LAMC2: variants seen among roughly 807,000 people sequenced by gnomAD.
LAMC2 encodes the protein laminin subunit gamma 2.
Under a neutral mutation model 140.2 loss-of-function variants are expected in LAMC2, and 97 were observed. That is an observed-to-expected ratio of 0.69 (90% CI 0.59 to 0.82). The LOEUF is 0.82. LAMC2 is among the 40% of genes least tolerant of loss of function. LAMC2 has a pLI of 0.00. For missense variants in LAMC2, 1,402 were observed against 1,476.1 expected, an observed-to-expected ratio of 0.95 and a Z score of 0.82; for synonymous variants, 513 against 540.2, an observed-to-expected ratio of 0.95 and a Z score of 0.70.
chr1:183,209,430 C>T (rs1659004998), intron 2 of LAMC2, among the ~76,000 whole-genome samples: 1 of 152,090 alleles, frequency 6.6e-6, no homozygotes, highest in African/African-American at 2.4e-5. Flanking sequence ...GAGATAGGCC[C>T]ATATCGCAGC....
intron 22 of LAMC2, 134 bp downstream of exon 22, chr1:183,240,525 C>G: frequency 1.4e-6 from 2 of 1,468,380 alleles, no homozygotes; most frequent in Non-Finnish European, 9.0e-7. Context: ...GCTTTGTTTC[C>G]AGGCCCAGAT....
At chr1:183,213,648 A>C (rs1039981969) in intron 2 of LAMC2, among the ~76,000 whole-genome samples, 3 of 151,090 alleles carry the variant, frequency 2.0e-5, no homozygotes, top group African/African-American at 7.4e-5. Flanking sequence ...AAAATACAAA[A>C]AATTAGCCAG....
At chr1:183,256,936 G>A in the LAMC2 span, among the ~76,000 whole-genome samples, 1 of 151,916 alleles carries the variant, frequency 6.6e-6, no homozygotes, top group Non-Finnish European at 1.5e-5. Flanking sequence ...ATTTTTAGTA[G>A]AGATGGGGTT....
intron 14 of LAMC2, among the ~76,000 whole-genome samples, chr1:183,233,561 A>G (rs1659859152): frequency 6.6e-6 from 1 of 152,226 alleles, no homozygotes; most frequent in Non-Finnish European, 1.5e-5. Flanking sequence ...AGGAAGTCAC[A>G]TTAAAAATAA....
intron 3 of LAMC2, 98 bp downstream of exon 3, chr1:183,215,686 C>A: frequency 7.1e-7 from 1 of 1,403,680 alleles, no homozygotes; most frequent in Non-Finnish European, 1.0e-6. Context: ...CTACCCTGTG[C>A]CAAACACTGC....
rs543439249 is a variant in LAMC2, at chr1:183,234,338, C to T, written c.2221-29C>T. 119 of 1,576,194 alleles carry T rather than the reference C, an allele frequency of 7.5e-5. 1 individual carries two copies. In the South Asian group the frequency reaches 1.2e-3, roughly 16 times the overall value. ...GCCAAGTGCAAAGCCTTAACCGATT[C>T]GCCTTAACCGATTCTCCTTTTCCCA... On this transcript the variant is annotated intron_variant, in intron 14 of 22. Transcript: ENST00000264144.
Position 183,218,468 on chromosome 1 carries a change from C to G in LAMC2, c.483C>G (p.Val161=), listed in dbSNP as rs1129723. The G allele has an allele frequency of 6.2e-7, 1 of 1,613,260 alleles. No homozygotes were observed. The highest frequency in any genetic ancestry group is 8.5e-7 in the Non-Finnish European group (1 of 1,179,586). The change falls in exon 4 of 23, where the codon GTC becomes GTG. Residue 161 remains valine, a synonymous_variant. Transcript: ENST00000264144. ...GCCGCTGTGTCTGCAAGCCAGCTGTCACTGGAGAACGCTGTGATAGGTCTG... is the reference window on the plus strand; with the variant it reads ...GCCGCTGTGTCTGCAAGCCAGCTGTGACTGGAGAACGCTGTGATAGGTCTG... ...DAGRCVCKPA[V]TGERCDRCRS...
chr1:183,218,434 G>C lies in LAMC2; in HGVS notation c.449G>C (p.Cys150Ser). Residue 150 changes from cysteine to serine, a missense_variant, in exon 4 of 23, where the codon TGT becomes TCT. By Grantham distance (112) the Cys-to-Ser change is moderately radical. Around this residue, in one of 3 missense-constraint regions of LAMC2, gnomAD observed 723 missense variants for 783.3 expected, o/e 0.92. Coordinates refer to ENST00000264144, the MANE Select transcript of LAMC2 (RefSeq NM_005562.3). ...DCDPAGIAGP[C>S]DAGRCVCKPA... ...GACCCAGCTGGCATCGCAGGGCCCT[G>C]TGACGCGGGCCGCTGTGTCTGCAAG... The C allele has an allele frequency of 6.2e-7, 1 of 1,614,180 alleles. No homozygotes were observed. The highest frequency in any genetic ancestry group is 8.5e-7 in the Non-Finnish European group (1 of 1,180,008).
chr1:183,215,733 C>A, intron 3 of LAMC2, 145 bp downstream of exon 3: 1 of 952,850 alleles, frequency 1.0e-6, no homozygotes, highest in South Asian at 1.4e-5. Context: ...TACTTTAATC[C>A]TCACAATACC....
At chr1:183,241,536 CTGTTT>C (rs1660136018) in intron 22 of LAMC2, among the ~76,000 whole-genome samples, 1 of 152,172 alleles carries the variant, frequency 6.6e-6, no homozygotes, top group South Asian at 2.1e-4. Flanking sequence ...CTCATTTGGT[CTGTTT>C]TATCAAGCTT....
At chr1:183,223,905 A>G (rs1659549621) in intron 7 of LAMC2, among the ~76,000 whole-genome samples, 1 of 152,168 alleles carries the variant, frequency 6.6e-6, no homozygotes, top group African/African-American at 2.4e-5. Flanking sequence ...GGGATTCTGC[A>G]TGGTGTTTGC....
intron 17 of LAMC2, among the ~76,000 whole-genome samples, 155 bp from the exon 18 acceptor site, chr1:183,237,197 C>T (rs1283711643): frequency 1.3e-5 from 2 of 152,204 alleles, no homozygotes; most frequent in Admixed American, 1.3e-4. Flanking sequence ...CATACTGACT[C>T]ATTTTTGTTA....
chr1:183,255,279 C>T, the LAMC2 span, among the ~76,000 whole-genome samples: 1 of 152,154 alleles, frequency 6.6e-6, no homozygotes, highest in South Asian at 2.1e-4. Context: ...CTCTATGTGT[C>T]TGCTTTTATG....
intron 3 of LAMC2, among the ~76,000 whole-genome samples, 179 bp from the exon 4 acceptor site, chr1:183,218,211 G>A (rs1055526322): frequency 5.9e-5 from 9 of 152,214 alleles, no homozygotes; most frequent in Admixed American, 4.6e-4. Flanking sequence ...GCACTGTGTA[G>A]GCAAGTGAGT....
intron 18 of LAMC2, among the ~76,000 whole-genome samples, chr1:183,237,781 G>C (rs2102249257): frequency 6.6e-6 from 1 of 152,316 alleles, no homozygotes; most frequent in African/African-American, 2.4e-5. Context: ...AGCTACTTGA[G>C]AGGCTGAGGC....
At chr1:183,216,947 G>A (rs909949695) in intron 3 of LAMC2, among the ~76,000 whole-genome samples, 1 of 152,126 alleles carries the variant, frequency 6.6e-6, no homozygotes, top group African/African-American at 2.4e-5. Context: ...TAGCATCCCC[G>A]GTTCTGAGCA....
Position 183,243,153 on chromosome 1 carries a change from C to G in LAMC2, c.3335C>G (p.Pro1112Arg), listed in dbSNP as rs749702240. 2.5e-6 allele frequency: 4 copies of G among 1,614,072 alleles called. No individual in the cohort carries two copies. The highest frequency in any genetic ancestry group is 3.4e-6 in the Non-Finnish European group (4 of 1,180,006). ...LDGLLHLMDQPLSVDEEGLVL... is the reference protein window; with the variant it reads ...LDGLLHLMDQRLSVDEEGLVL... ...GTCTCATTCCTTGAAATAGACCAGCCTCTCAGTGTAGATGAAGAGGGGCTG... is the reference window on the plus strand; with the variant it reads ...GTCTCATTCCTTGAAATAGACCAGCGTCTCAGTGTAGATGAAGAGGGGCTG... The change falls in exon 23 of 23, where the codon CCT becomes CGT. Residue 1112 changes from proline (P) to arginine (R), a missense_variant. Coordinates refer to ENST00000264144, the MANE Select transcript of LAMC2 (RefSeq NM_005562.3).
rs1170710957 is a variant in LAMC2, at chr1:183,215,439, CT to C, written c.269-12del. On this transcript the variant is annotated splice_polypyrimidine_tract_variant and intron_variant, in intron 2 of 22. Transcript: ENST00000264144. ...CTTCTTCTTCTTTCCTTTCCCCTAC[CT>C]TGTGGGTTTCAGGTTCTCTTAGTGC... is the stretch of plus-strand genomic sequence containing the variant. The C allele has an allele frequency of 6.2e-7, 1 of 1,613,944 alleles. No individual in the cohort carries two copies. The highest frequency in any genetic ancestry group is 1.3e-5 in the African/African-American group (1 of 74,994).
chr1:183,234,267 T>TTA (rs1659885081), intron 14 of LAMC2, 100 bp from the exon 15 acceptor site: 1 of 823,692 alleles, frequency 1.2e-6, no homozygotes, highest in Non-Finnish European at 2.1e-6. Context: ...GTGTGGCTAA[T>TTA]GACAAGTGGT....
Sources: gnomAD v4.1 joint callset for allele counts (sites outside exome capture counted in the v4.1 genomes callset) on GRCh38, gnomAD v4.1.1 for gene constraint, gnomAD v4.1.1 regional missense constraint, MANE v1.5 for transcripts, NCBI Gene and HGNC (gene_info 2026-07-23, HGNC 2026-07-21) for gene names.